The following KDM1B variants were observed in gnomAD, a reference collection of about 807,000 sequenced individuals.
The protein encoded by KDM1B is lysine demethylase 1B.
A neutral mutation model predicts 107.4 loss-of-function variants in KDM1B; 63 were observed. The observed-to-expected ratio is 0.59, with a 90% confidence interval of 0.48 to 0.72. The LOEUF (loss-of-function observed/expected upper bound fraction) is 0.72, where lower values mean the gene tolerates loss of function less well. KDM1B is among the 30% of genes least tolerant of loss of function. KDM1B has a pLI of 0.00. For missense variants in KDM1B, 749 were observed against 1,020.8 expected (o/e 0.73, Z 3.63); for synonymous variants, 363 against 363.9 (o/e 1.00, Z 0.03).
chr6:18,197,567 T>C lies in KDM1B; in HGVS notation c.1147-20T>C, dbSNP rs766993451. The C allele has an allele frequency of 1.8e-5, 29 of 1,605,534 alleles. No individual in the cohort carries two copies. Among genetic ancestry groups the C allele is most frequent in the Admixed American group, 6.7e-5 (4 of 59,920 alleles). ...GTTATCATCTGCTCTAATTGGACTTTTGTTTCTTTTCTTTTTAAGAAATCA... is the reference window on the plus strand; with the variant it reads ...GTTATCATCTGCTCTAATTGGACTTCTGTTTCTTTTCTTTTTAAGAAATCA... On this transcript the variant is annotated intron_variant, in intron 11 of 21. Coordinates refer to ENST00000650836, the MANE Select transcript of KDM1B (RefSeq NM_001364614.2). This position sits in a 1 kb window ranked among gnomAD's most constrained non-coding sequence, Gnocchi z 4.5.
rs1202718062 is a variant in KDM1B at position 18,200,899 on chromosome 6, A to G, written c.1359+323A>G. On this transcript the variant is annotated intron_variant, in intron 13 of 21. Transcript: ENST00000650836. This position sits in a 1 kb window ranked among gnomAD's most constrained non-coding sequence, Gnocchi z 4.3. ...ATTAAATTTCATTTTCAGATAAACA[A>G]GTAATTTTTTACCCAAGTATTTCCC... 6.6e-6 allele frequency among the ~76,000 whole-genome samples: 1 copy of G among 152,244 alleles called. No homozygotes were observed. Among genetic ancestry groups the G allele is most frequent in the African/African-American group, 2.4e-5 (1 of 41,460 alleles).
chr6:18,161,597 C>A, intron 4 of KDM1B, 143 bp downstream of exon 4: 1 of 872,970 alleles, frequency 1.1e-6, no homozygotes, highest in Non-Finnish European at 1.7e-6. Context: ...ATTGCCCAGA[C>A]ATTCTGTACA....
chr6:18,194,531 T>A (rs114727579), intron 10 of KDM1B, among the ~76,000 whole-genome samples: 2,741 of 152,344 alleles, frequency 0.018, 44 homozygotes, highest in African/African-American at 0.05. Flanking sequence ...CTCCTTCTTT[T>A]TCCCCACTGG....
At position 18,214,645 on chromosome 6, in the gene KDM1B, C is replaced by T. The variant is rs756999718; in HGVS notation, c.2110-362C>T. 1.2e-4 allele frequency among the ~76,000 whole-genome samples: 18 copies of T among 152,210 alleles called. No homozygotes were observed. The highest frequency in any genetic ancestry group is 2.4e-4 in the Non-Finnish European group (16 of 68,032). On this transcript the variant is annotated intron_variant, in intron 19 of 21. Transcript: ENST00000650836. This position sits in a 1 kb window ranked among gnomAD's most constrained non-coding sequence, Gnocchi z 4.4. ...AGGCTCTTGGCCGGGTACAGTGGCT[C>T]ACGCCTGTAATCCCAGCACTTTGGG...
chr6:18,179,267 A>G (rs1786270103), intron 7 of KDM1B, among the ~76,000 whole-genome samples: 4 of 152,084 alleles, frequency 2.6e-5, no homozygotes, highest in Admixed American at 1.3e-4. Context: ...TTTTTAATAT[A>G]TTGTTCTTTT....
At chr6:18,217,610 C>T in intron 20 of KDM1B, 123 bp from the exon 21 acceptor site, 1 of 698,430 alleles carries the variant, frequency 1.4e-6, no homozygotes, top group East Asian at 2.6e-5. Context: ...ATCTCCTGAC[C>T]TTGTGATCCA....
chr6:18,184,997 T>C (rs978718304), intron 7 of KDM1B, among the ~76,000 whole-genome samples: 1 of 152,092 alleles, frequency 6.6e-6, no homozygotes, highest in Non-Finnish European at 1.5e-5. Flanking sequence ...CCCAAAATGC[T>C]GGGATTATAG....
At position 18,159,846 on chromosome 6, in the gene KDM1B, G is replaced by T; in HGVS notation, c.-13-37G>T. 1.9e-6 allele frequency: 2 copies of T among 1,065,782 alleles called. No individual in the cohort carries two copies. The highest frequency in any genetic ancestry group is 2.9e-6 in the Non-Finnish European group (2 of 689,290). The allele number at this position is 1,065,782 out of a possible 1,614,324, so 66.0% of individuals were successfully genotyped here. A position where few individuals can be genotyped will look rare whatever the true frequency, so the allele number is the denominator to read the frequency against. On this transcript the variant is annotated intron_variant, in intron 2 of 21. Coordinates refer to ENST00000650836, the MANE Select transcript of KDM1B (RefSeq NM_001364614.2). This position sits in a 1 kb window ranked among gnomAD's most constrained non-coding sequence, Gnocchi z 4.5. ...CTCCAGACTGTTAAAAATATTTGCA[G>T]ATGCTAATATTTAATGGTCTGATTT...
In KDM1B at chr6:18,205,539, A is replaced by G; in HGVS notation, c.1534A>G (p.Lys512Glu). 1.3e-6 allele frequency: 2 copies of G among 1,547,528 alleles called. No individual in the cohort carries two copies. Among genetic ancestry groups the G allele is most frequent in the South Asian group, 1.2e-5 (1 of 83,966 alleles). ...TQLQDVPLGE[K>E]IEEIYKAFIK... The stretch of plus-strand genomic sequence containing the variant: ...GCTTTGATCCATTCCCATTACAGAA[A>G]AGATAGAAGAAATCTACAAGGCATT... Residue 512 changes from lysine (K) to glutamate (E), a missense_variant and splice_region_variant, in exon 15 of 22, where the codon AAG becomes GAG. Transcript: ENST00000650836. This position sits in a 1 kb window ranked among gnomAD's most constrained non-coding sequence, Gnocchi z 5.7.
At chr6:18,165,380 T>C (rs1262927074) in intron 5 of KDM1B, among the ~76,000 whole-genome samples, 1 of 152,010 alleles carries the variant, frequency 6.6e-6, no homozygotes, top group Non-Finnish European at 1.5e-5. Context: ...TCTGCCTGCC[T>C]TGGCCTCCCA....
chr6:18,156,966 G>T (rs1317847734), intron 2 of KDM1B, among the ~76,000 whole-genome samples: 1 of 152,010 alleles, frequency 6.6e-6, no homozygotes, highest in Non-Finnish European at 1.5e-5. Context: ...AAAACCTAGG[G>T]ATTATTATAA....
In KDM1B at chr6:18,207,548, G is replaced by T. The variant is rs1490871651; in HGVS notation, c.1791+19G>T. 6.2e-7 allele frequency: 1 copy of T among 1,613,712 alleles called. No homozygotes were observed. Among genetic ancestry groups the T allele is most frequent in the Non-Finnish European group, 8.5e-7 (1 of 1,179,698 alleles). On this transcript the variant is annotated intron_variant, in intron 16 of 21. Transcript: ENST00000650836. ...ATCTCCAGTGAGTATCAACTGCTGG[G>T]AGGCTCTGGCTCGCCTTGTTTGGGG...
intron 6 of KDM1B, among the ~76,000 whole-genome samples, chr6:18,168,803 T>G (rs367701919): frequency 1.7e-3 from 254 of 152,342 alleles, no homozygotes; most frequent in African/African-American, 5.9e-3. Flanking sequence ...TAATGCAACC[T>G]TTCGTATGCT....
chr6:18,196,980 T>C, intron 10 of KDM1B, 77 bp from the exon 11 acceptor site: 1 of 1,308,740 alleles, frequency 7.6e-7, no homozygotes, highest in East Asian at 2.3e-5. Context: ...GTCTTTTAAA[T>C]GGATTGTTTT....
chr6:18,200,655 C>T lies in KDM1B; in HGVS notation c.1359+79C>T, dbSNP rs1436978478. On this transcript the variant is annotated intron_variant, in intron 13 of 21. Coordinates refer to ENST00000650836, the MANE Select transcript of KDM1B (RefSeq NM_001364614.2). The surrounding 1 kb of genome is among the most constrained non-coding windows in gnomAD (Gnocchi z 4.3). ...TTTGCTTGTGTGCAGTATTAATATG[C>T]TTCTAAAGTAAATTACATATAACAG... is the stretch of plus-strand genomic sequence containing the variant. The T allele has an allele frequency of 7.4e-7, 1 of 1,348,214 alleles. No homozygotes were observed. The highest frequency in any genetic ancestry group is 1.0e-6 in the Non-Finnish European group (1 of 992,308). 83.5% of individuals were successfully genotyped at this position (1,348,214 alleles called of 1,614,324 possible).
intron 12 of KDM1B, among the ~76,000 whole-genome samples, chr6:18,198,383 T>G (rs1306404312): frequency 6.6e-6 from 1 of 151,912 alleles, no homozygotes; most frequent in African/African-American, 2.4e-5. Flanking sequence ...GACAGTGTTA[T>G]GAGACTGGCT....
At chr6:18,179,980 T>C (rs1442409730) in intron 7 of KDM1B, among the ~76,000 whole-genome samples, 5 of 148,744 alleles carry the variant, frequency 3.4e-5, no homozygotes, top group Non-Finnish European at 4.5e-5. Flanking sequence ...TCTGCCACCG[T>C]AGTCTCCTGA....
intron 15 of KDM1B, 131 bp from the exon 16 acceptor site, chr6:18,207,266 GC>G (rs1183618998): frequency 1.2e-6 from 1 of 844,394 alleles, no homozygotes; most frequent in Non-Finnish European, 1.9e-6. Context: ...GGTGGTCTCT[GC>G]CTAGGCTGGT....
Position 18,204,902 on chromosome 6 carries a change from C to T in KDM1B, c.1532-635C>T, listed in dbSNP as rs147408909. Among the ~76,000 whole-genome samples, 14 of 152,312 alleles carry T rather than the reference C, an allele frequency of 9.2e-5. 1 individual carries two copies. Among genetic ancestry groups the T allele is most frequent in the East Asian group, 3.9e-4 (2 of 5,184 alleles). On this transcript the variant is annotated intron_variant, in intron 14 of 21. Transcript: ENST00000650836. This position sits in a 1 kb window ranked among gnomAD's most constrained non-coding sequence, Gnocchi z 4.9. The stretch of plus-strand genomic sequence containing the variant: ...ATTCAAAGCATTACAGCAGAGCCTG[C>T]GAGTGGGCAGATCGTAGCTGCTGCC...
Sources: gnomAD v4.1 joint callset for allele counts (sites outside exome capture counted in the v4.1 genomes callset) on GRCh38, gnomAD v4.1.1 for gene constraint, Gnocchi (gnomAD v3.1) non-coding constraint, MANE v1.5 for transcripts, NCBI Gene and HGNC (gene_info 2026-07-23, HGNC 2026-07-21) for gene names.